The following FOXP1 variants were observed in gnomAD, a reference collection of about 807,000 sequenced individuals.
FOXP1 encodes the protein forkhead box protein P1.
Under a neutral mutation model 98.2 loss-of-function variants are expected in FOXP1, and 15 were observed. That is an observed-to-expected ratio of 0.15 (90% CI 0.10 to 0.24). FOXP1 has a LOEUF of 0.24. Ranked by LOEUF, FOXP1 falls within the 10% of genes least tolerant of loss-of-function variation. FOXP1 has a pLI of 1.00. For missense variants in FOXP1, 633 were observed against 848.5 expected, an observed-to-expected ratio of 0.75 and a Z score of 3.15; for synonymous variants, 371 against 314.5, an observed-to-expected ratio of 1.18 and a Z score of -1.90.
chr3:71,420,697 T>G (rs2083573052), intron 3 of FOXP1, among the ~76,000 whole-genome samples: 1 of 151,936 alleles, frequency 6.6e-6, no homozygotes, highest in African/African-American at 2.4e-5. Flanking sequence ...GCATCTGAGT[T>G]TCTATCCTTT....
chr3:71,485,771 C>CAAA (rs545900035), intron 3 of FOXP1, among the ~76,000 whole-genome samples: 1 of 111,862 alleles, frequency 8.9e-6, no homozygotes. Flanking sequence ...GAGACTCCAT[C>CAAA]AAAAAAAAAA....
intron 5 of FOXP1, among the ~76,000 whole-genome samples, chr3:71,230,395 C>A (rs1040668423): frequency 6.6e-6 from 1 of 152,162 alleles, no homozygotes; most frequent in Non-Finnish European, 1.5e-5. Context: ...GACAAAACTG[C>A]CCTCAGAGGT....
intron 3 of FOXP1, among the ~76,000 whole-genome samples, chr3:71,367,525 A>G (rs563543387): frequency 5.9e-4 from 90 of 152,266 alleles, no homozygotes; most frequent in African/African-American, 2.0e-3. Context: ...CTGGGCTGGA[A>G]GGACGGCAGG....
At chr3:71,393,522 G>A (rs1176645229) in intron 3 of FOXP1, among the ~76,000 whole-genome samples, 1 of 152,088 alleles carries the variant, frequency 6.6e-6, no homozygotes, top group Non-Finnish European at 1.5e-5. Context: ...TTACTATAAT[G>A]TCTATAAAAC....
chr3:71,560,658 G>A (rs13101228), intron 2 of FOXP1, among the ~76,000 whole-genome samples: 16,517 of 152,240 alleles, frequency 0.11, 1,371 homozygotes, highest in African/African-American at 0.23. Context: ...TAAGCCAAGT[G>A]TCCACCAACA....
chr3:71,129,088 G>T (rs2059406211), intron 6 of FOXP1, among the ~76,000 whole-genome samples: 1 of 152,026 alleles, frequency 6.6e-6, no homozygotes, highest in South Asian at 2.1e-4. Flanking sequence ...AACAAAACGA[G>T]CGAGCTGGGA....
intron 6 of FOXP1, among the ~76,000 whole-genome samples, chr3:71,130,333 AGAAAAAAG>A (rs2059488145): frequency 6.6e-6 from 1 of 152,216 alleles, no homozygotes; most frequent in Admixed American, 6.5e-5. Context: ...ATCTCTAAAA[AGAAAAAAG>A]CCTCTGATGG....
intron 5 of FOXP1, among the ~76,000 whole-genome samples, chr3:71,269,382 C>T (rs957886090): frequency 2.6e-5 from 4 of 152,130 alleles, no homozygotes; most frequent in African/African-American, 9.7e-5. Context: ...AATGTGTATT[C>T]ATCTAGACCT....
At chr3:70,990,998 C>G (rs535647950) in intron 13 of FOXP1, among the ~76,000 whole-genome samples, 2 of 151,802 alleles carry the variant, frequency 1.3e-5, no homozygotes, top group South Asian at 2.1e-4. Flanking sequence ...AGGTCTTGCA[C>G]ATAACAAGCT....
At position 71,384,217 on chromosome 3, in the gene FOXP1, AAAAC is replaced by A. The variant is rs57270594; in HGVS notation, c.-167-24977_-167-24974del. 8.9e-3 allele frequency among the ~76,000 whole-genome samples: 1,351 copies of A among 152,194 alleles called. 16 individuals are homozygous for A. Among genetic ancestry groups the A allele is most frequent in the African/African-American group, 0.027 (1,119 of 41,498 alleles). On this transcript the variant is annotated intron_variant, in intron 3 of 20. Coordinates refer to ENST00000649528, the MANE Select transcript of FOXP1 (RefSeq NM_001349338.3). Reference sequence around the variant, plus strand: ...CAACAGAGTGGGACTCCGTCTCAGCAAAACAAACAAACAAACAAACAAACAAACC... The same window carrying A: ...CAACAGAGTGGGACTCCGTCTCAGCAAAACAAACAAACAAACAAACAAACC...
At chr3:71,287,919 T>G (rs1576781266) in intron 5 of FOXP1, among the ~76,000 whole-genome samples, 1 of 152,220 alleles carries the variant, frequency 6.6e-6, no homozygotes, top group East Asian at 1.9e-4. Context: ...TTGCTCCTGT[T>G]GCCCAGGCTG....
intron 7 of FOXP1, among the ~76,000 whole-genome samples, chr3:71,066,556 C>T (rs1172367293): frequency 6.6e-6 from 1 of 152,180 alleles, no homozygotes; most frequent in African/African-American, 2.4e-5. Context: ...AGAAAAGGTG[C>T]TCTTTCCGGA....
At chr3:71,206,901 G>C (rs2064080309) in intron 5 of FOXP1, among the ~76,000 whole-genome samples, 1 of 152,148 alleles carries the variant, frequency 6.6e-6, no homozygotes, top group Non-Finnish European at 1.5e-5. Context: ...AACGAGGGAA[G>C]TTAGAAAGAA....
intron 5 of FOXP1, among the ~76,000 whole-genome samples, chr3:71,291,964 C>T (rs1276064647): frequency 6.6e-6 from 1 of 152,128 alleles, no homozygotes; most frequent in African/African-American, 2.4e-5. Flanking sequence ...CTCGGCCTCC[C>T]AAAGTGCTGG....
rs191699802 is a variant in FOXP1 at position 71,342,857 on chromosome 3, T to A, written c.-73+16293A>T. Among the ~76,000 whole-genome samples, 93 of 152,300 alleles carry A rather than the reference T, an allele frequency of 6.1e-4. No individual in the cohort carries two copies. In the South Asian group the frequency reaches 6.2e-3, roughly 10 times the overall value. ...ACATCTTGTACAGCTGTATACAGTA[T>A]CAGAACCAGGAAATTAGCATTGACA... is the stretch of plus-strand genomic sequence containing the variant. On this transcript the variant is annotated intron_variant, in intron 4 of 20. Transcript: ENST00000649528.
intron 6 of FOXP1, among the ~76,000 whole-genome samples, chr3:71,186,685 T>C (rs550082656): frequency 6.6e-6 from 1 of 152,256 alleles, no homozygotes; most frequent in South Asian, 2.1e-4. Flanking sequence ...TACTCCAGCC[T>C]GGCAACAGAG....
chr3:70,972,046 G>A, intron 18 of FOXP1: 4 of 1,493,560 alleles, frequency 2.7e-6, no homozygotes, highest in East Asian at 2.5e-5. Flanking sequence ...CATCGGGGCA[G>A]TATTTGCGAG....
intron 2 of FOXP1, among the ~76,000 whole-genome samples, chr3:71,537,490 C>T (rs997745283): frequency 6.6e-6 from 1 of 152,168 alleles, no homozygotes; most frequent in African/African-American, 2.4e-5. Flanking sequence ...GCGCAGAGGC[C>T]AAGTCGGAGA....
At chr3:71,502,623 C>T (rs990782910) in intron 2 of FOXP1, among the ~76,000 whole-genome samples, 3 of 152,038 alleles carry the variant, frequency 2.0e-5, no homozygotes, top group Admixed American at 1.3e-4. Flanking sequence ...ACTGGGTTGC[C>T]GGTAACCAAG....
Sources: gnomAD v4.1 joint callset for allele counts (sites outside exome capture counted in the v4.1 genomes callset) on GRCh38, gnomAD v4.1.1 for gene constraint, MANE v1.5 for transcripts, NCBI Gene and HGNC (gene_info 2026-07-23, HGNC 2026-07-21) for gene names.